The following PRKN variants were observed in gnomAD, a reference collection of about 807,000 sequenced individuals.
PRKN encodes the protein E3 ubiquitin-protein ligase parkin.
In PRKN, 56 loss-of-function variants were observed where a neutral mutation model predicts 59.5. The observed-to-expected ratio is 0.94, with a 90% CI of 0.76 to 1.18. The LOEUF (loss-of-function observed/expected upper bound fraction) is 1.18, where lower values mean the gene tolerates loss of function less well. Among genes scored for constraint, PRKN ranks in the 50% most tolerant of loss-of-function variants. The probability of loss-of-function intolerance (pLI) is 0.00; values close to 1 mark genes in which losing one functional copy is unlikely to be tolerated. For missense variants in PRKN, 657 were observed against 596.4 expected (o/e 1.10, Z -1.06); for synonymous variants, 250 against 222.1 (o/e 1.13, Z -1.12).
At chr6:161,842,188 G>A (rs1226169175) in intron 6 of PRKN, among the ~76,000 whole-genome samples, 1 of 151,940 alleles carries the variant, frequency 6.6e-6, no homozygotes, top group East Asian at 1.9e-4. Context: ...GTGTTTCCTG[G>A]GTGATCCAAA....
intron 2 of PRKN, among the ~76,000 whole-genome samples, chr6:162,381,274 C>T (rs996934259): frequency 4.1e-4 from 62 of 152,164 alleles, no homozygotes; most frequent in African/African-American, 1.5e-3. Flanking sequence ...AGAAATTACC[C>T]TGTTTTTCAA....
intron 2 of PRKN, among the ~76,000 whole-genome samples, chr6:162,393,177 T>TTTTTTTTTTG (rs869117723): frequency 7.0e-6 from 1 of 142,810 alleles, no homozygotes; most frequent in Admixed American, 7.0e-5. Flanking sequence ...TTTTTTTTTT[T>TTTTTTTTTTG]GAGACAGAGT....
intron 8 of PRKN, among the ~76,000 whole-genome samples, chr6:161,567,646 T>C (rs1780706922): frequency 6.6e-6 from 1 of 152,320 alleles, no homozygotes; most frequent in Non-Finnish European, 1.5e-5. Flanking sequence ...TTACCAAAAC[T>C]AATCGTAGTG....
chr6:161,545,138 GA>G lies in PRKN; in HGVS notation c.1083+3715del. 9 of 1,279,534 alleles carry G rather than the reference GA, an allele frequency of 7.0e-6. No homozygotes were observed. Among genetic ancestry groups the G allele is most frequent in the Non-Finnish European group, 8.9e-6 (9 of 1,014,178 alleles). 79.3% of individuals were successfully genotyped at this position (1,279,534 alleles called of 1,614,324 possible). On this transcript the variant is annotated intron_variant, in intron 9 of 11. Transcript: ENST00000366898. This position sits in a 1 kb window ranked among gnomAD's most constrained non-coding sequence, Gnocchi z 4.1. ...TTTGGTTTTCAACTTTTTTATACGC[GA>G]TTTTTTTTGTAACAGCTAACATTTC...
At position 161,348,881 on chromosome 6, in the gene PRKN, G is replaced by A; in HGVS notation, c.*1218C>T. Reference sequence around the variant, plus strand: ...GTTGTTAATCTTTTGATTGTGTTGTGAATGGCTGAAAAAAAAGCTGAAAGT... The same window carrying A: ...GTTGTTAATCTTTTGATTGTGTTGTAAATGGCTGAAAAAAAAGCTGAAAGT... On this transcript the variant is annotated 3_prime_UTR_variant, in exon 12 of 12. Transcript: ENST00000366898. The surrounding 1 kb of genome is among the most constrained non-coding windows in gnomAD (Gnocchi z 4.9). 1 of 205,496 alleles carries A rather than the reference G, an allele frequency of 4.9e-6. No individual in the cohort carries two copies. The allele number at this position is 205,496 out of a possible 1,614,324, so 12.7% of individuals were successfully genotyped here.
At chr6:162,132,368 C>T (rs964264369) in intron 4 of PRKN, among the ~76,000 whole-genome samples, 3 of 152,070 alleles carry the variant, frequency 2.0e-5, no homozygotes, top group Non-Finnish European at 2.9e-5. Context: ...TTCACCTCGA[C>T]CACGGACAGG....
At chr6:162,450,969 C>A in intron 1 of PRKN, among the ~76,000 whole-genome samples, 1 of 152,080 alleles carries the variant, frequency 6.6e-6, no homozygotes, top group East Asian at 1.9e-4. Flanking sequence ...TACATGGGAA[C>A]TCCCTGTACT....
intron 7 of PRKN, among the ~76,000 whole-genome samples, chr6:161,616,082 A>G (rs371972350): frequency 1.3e-5 from 2 of 152,138 alleles, no homozygotes; most frequent in South Asian, 2.1e-4. Context: ...CTGCTGATGC[A>G]CTGACTTTGA....
intron 1 of PRKN, among the ~76,000 whole-genome samples, chr6:162,449,765 T>C (rs1188779011): frequency 1.3e-5 from 2 of 152,176 alleles, no homozygotes; most frequent in Non-Finnish European, 2.9e-5. Context: ...TTGCCTTTTA[T>C]AATGAATTAT....
intron 2 of PRKN, among the ~76,000 whole-genome samples, chr6:162,334,158 C>T (rs139103936): frequency 2.2e-3 from 336 of 152,216 alleles, no homozygotes; most frequent in African/African-American, 7.7e-3. Flanking sequence ...TGTAAAAATG[C>T]GAGGTGAAGC....
chr6:162,034,511 T>C (rs1166033190), intron 5 of PRKN, among the ~76,000 whole-genome samples: 2 of 152,188 alleles, frequency 1.3e-5, no homozygotes, highest in East Asian at 3.9e-4. Flanking sequence ...CCTTCCTATC[T>C]GTTTTTGCAT....
intron 6 of PRKN, among the ~76,000 whole-genome samples, chr6:161,922,007 T>C (rs577797307): frequency 2.6e-5 from 4 of 152,330 alleles, no homozygotes; most frequent in South Asian, 2.1e-4. Context: ...CTGAGAAACA[T>C]TGACTGAATT....
chr6:162,483,842 G>A (rs1406745304), intron 1 of PRKN, among the ~76,000 whole-genome samples: 1 of 152,184 alleles, frequency 6.6e-6, no homozygotes, highest in Non-Finnish European at 1.5e-5. Flanking sequence ...TTGCAAGATT[G>A]CTTATAACAG....
At chr6:161,510,718 T>C (rs1328506789) in intron 9 of PRKN, among the ~76,000 whole-genome samples, 1 of 152,232 alleles carries the variant, frequency 6.6e-6, no homozygotes, top group East Asian at 1.9e-4. Context: ...ATGTTTTTGC[T>C]AACCTTCAAG....
intron 5 of PRKN, among the ~76,000 whole-genome samples, chr6:161,978,433 A>G (rs1781136369): frequency 6.6e-6 from 1 of 152,240 alleles, no homozygotes; most frequent in East Asian, 1.9e-4. Context: ...ATTCAAAACC[A>G]GCAGACAATA....
intron 1 of PRKN, among the ~76,000 whole-genome samples, chr6:162,484,933 T>C (rs1792475238): frequency 1.3e-5 from 2 of 152,372 alleles, no homozygotes; most frequent in South Asian, 2.1e-4. Flanking sequence ...AGAGGAACTC[T>C]AAATTTTTAT....
chr6:161,556,280 C>T (rs1562524164), intron 8 of PRKN, among the ~76,000 whole-genome samples: 1 of 152,038 alleles, frequency 6.6e-6, no homozygotes, highest in Non-Finnish European at 1.5e-5. Context: ...ACATATGCGC[C>T]TGGGAATTTC....
chr6:161,542,196 T>G (rs1454604065), intron 9 of PRKN, among the ~76,000 whole-genome samples: 60 of 152,244 alleles, frequency 3.9e-4, no homozygotes, highest in Non-Finnish European at 2.9e-5. Flanking sequence ...CATAAGAATA[T>G]AGTATATAAT....
At chr6:161,984,260 T>C (rs1455677471) in intron 5 of PRKN, among the ~76,000 whole-genome samples, 1 of 152,042 alleles carries the variant, frequency 6.6e-6, no homozygotes, top group Non-Finnish European at 1.5e-5. Flanking sequence ...TTAATTTTTA[T>C]TTATTTATTT....
Sources: gnomAD v4.1 joint callset for allele counts (sites outside exome capture counted in the v4.1 genomes callset) on GRCh38, gnomAD v4.1.1 for gene constraint, Gnocchi (gnomAD v3.1) non-coding constraint, MANE v1.5 for transcripts, NCBI Gene and HGNC (gene_info 2026-07-23, HGNC 2026-07-21) for gene names.